FLACC1: variants seen among roughly 807,000 people sequenced by gnomAD.
FLACC1 encodes flagellum associated containing coiled-coil domains 1.
A neutral mutation model predicts 62.8 loss-of-function variants in FLACC1; 66 were observed. The ratio of observed to expected loss-of-function variants is 1.05; its 90% CI spans 0.86 to 1.29. The LOEUF is 1.29. Ranked by LOEUF, FLACC1 falls within the 50% of genes most tolerant of loss-of-function variation. The pLI is 0.00. For missense variants in FLACC1, 452 were observed against 489.1 expected, an observed-to-expected ratio of 0.92 and a Z score of 0.71; for synonymous variants, 156 against 161.0, an observed-to-expected ratio of 0.97 and a Z score of 0.24.
At chr2:201,325,488 C>A (rs773548789) in intron 9 of FLACC1, among the ~76,000 whole-genome samples, 1 of 151,912 alleles carries the variant, frequency 6.6e-6, no homozygotes, top group Non-Finnish European at 1.5e-5. Flanking sequence ...GGAGACATTA[C>A]AACCCACAGA....
chr2:201,349,337 C>T (rs967542583), intron 3 of FLACC1, among the ~76,000 whole-genome samples: 1 of 152,216 alleles, frequency 6.6e-6, no homozygotes, highest in Non-Finnish European at 1.5e-5. Context: ...CATTGAGGCT[C>T]CTTTTGCCCC....
intron 9 of FLACC1, among the ~76,000 whole-genome samples, chr2:201,323,021 T>A (rs1326366202): frequency 6.6e-6 from 1 of 152,014 alleles, no homozygotes; most frequent in Non-Finnish European, 1.5e-5. Context: ...GTTTTTAAAC[T>A]AACCCAATCA....
At chr2:201,304,464 C>T (rs553854251) in intron 11 of FLACC1, among the ~76,000 whole-genome samples, 4 of 152,288 alleles carry the variant, frequency 2.6e-5, no homozygotes, top group Admixed American at 2.6e-4. Context: ...ATTCCATGCT[C>T]ATGGATAGGA....
At position 201,346,413 on chromosome 2, in the gene FLACC1, C is replaced by G. The variant is rs544970299; in HGVS notation, c.368+129G>C. ...AAGCAGGGGCGAGGAGGGAGGTGCC[C>G]TTGCGGCCCCTCCAGAGCAGGGACC... On this transcript the variant is annotated intron_variant, in intron 5 of 14. Coordinates refer to ENST00000392257, the MANE Select transcript of FLACC1 (RefSeq NM_001127391.3). The surrounding 1 kb of genome is among the most constrained non-coding windows in gnomAD (Gnocchi z 4.0). 2.2e-3 allele frequency: 2,914 copies of G among 1,350,766 alleles called. 2 individuals carry two copies. The highest frequency in any genetic ancestry group is 2.7e-3 in the Non-Finnish European group (2,664 of 990,288). 83.7% of individuals were successfully genotyped at this position (1,350,766 alleles called of 1,614,324 possible).
At chr2:201,320,090 T>C (rs1014528038) in intron 9 of FLACC1, among the ~76,000 whole-genome samples, 1 of 152,198 alleles carries the variant, frequency 6.6e-6, no homozygotes, top group African/African-American at 2.4e-5. Flanking sequence ...AATATAAAAG[T>C]GGGAGCAGTG....
chr2:201,336,119 T>C (rs56191615), intron 7 of FLACC1, among the ~76,000 whole-genome samples: 8,480 of 50,076 alleles, frequency 0.17, 286 homozygotes, highest in Non-Finnish European at 0.19. Context: ...GTAGTGAGCA[T>C]AGTACCTGAT....
At position 201,289,696 on chromosome 2, in the gene FLACC1, C is replaced by G; in HGVS notation, c.1032G>C (p.Glu344Asp). The G allele has an allele frequency of 6.2e-7, 1 of 1,613,574 alleles. No homozygotes were observed. Among genetic ancestry groups the G allele is most frequent in the Non-Finnish European group, 8.5e-7 (1 of 1,179,700 alleles). Residue 344 changes from glutamate (E) to aspartate (D), a missense_variant and splice_region_variant, in exon 13 of 15, where the codon GAG becomes GAC. Around this residue, in one of 3 missense-constraint regions of FLACC1, gnomAD observed 301 missense variants for 318.4 expected, o/e 0.95. Coordinates refer to ENST00000392257, the MANE Select transcript of FLACC1 (RefSeq NM_001127391.3). ...LYYTQLELQK[E>D]KAIVGNLEKM... ...CATCCCCACTCCAGTAGGGACTCAC[C>G]TCTTTCTGGAGTTCCAACTGGGTAT...
intron 7 of FLACC1, among the ~76,000 whole-genome samples, chr2:201,332,565 A>G (rs527689012): frequency 4.7e-4 from 71 of 152,292 alleles, no homozygotes; most frequent in African/African-American, 1.7e-3. Flanking sequence ...TTTTTCAGTG[A>G]GAACATTTGA....
At chr2:201,308,986 G>GCTT (rs1950159729) in intron 10 of FLACC1, among the ~76,000 whole-genome samples, 165 bp downstream of exon 10, 1 of 152,170 alleles carries the variant, frequency 6.6e-6, no homozygotes, top group Non-Finnish European at 1.5e-5. Context: ...TACCCTTGTT[G>GCTT]TCATTTTGCT....
chr2:201,304,500 TACTGCCCA>T (rs1950059227), intron 11 of FLACC1, among the ~76,000 whole-genome samples: 1 of 152,144 alleles, frequency 6.6e-6, no homozygotes, highest in South Asian at 2.1e-4. Context: ...AAAATGGCCA[TACTGCCCA>T]AGGTAATTTA....
chr2:201,289,639 T>C (rs2125528498), intron 13 of FLACC1, 57 bp downstream of exon 13: 1 of 1,611,714 alleles, frequency 6.2e-7, no homozygotes, highest in Non-Finnish European at 8.5e-7. Flanking sequence ...ATGGCAGAGC[T>C]GGATGGAGAC....
intron 12 of FLACC1, among the ~76,000 whole-genome samples, chr2:201,296,377 C>T (rs554000990): frequency 1.8e-4 from 27 of 152,034 alleles, no homozygotes; most frequent in African/African-American, 6.5e-4. Context: ...ATGGATGAAG[C>T]TGGAAACCAT....
intron 7 of FLACC1, among the ~76,000 whole-genome samples, chr2:201,339,294 G>T (rs1559414269): frequency 6.6e-6 from 1 of 151,678 alleles, no homozygotes; most frequent in Non-Finnish European, 1.5e-5. Context: ...TTTTATTTGG[G>T]TCTTCTCTTG....
intron 7 of FLACC1, among the ~76,000 whole-genome samples, chr2:201,338,009 A>G (rs1950729193): frequency 6.6e-6 from 1 of 152,130 alleles, no homozygotes; most frequent in African/African-American, 2.4e-5. Flanking sequence ...TGGCGATCTT[A>G]ATTCTTCCAG....
chr2:201,348,149 G>A, intron 4 of FLACC1, 105 bp downstream of exon 4: 1 of 1,159,440 alleles, frequency 8.6e-7, no homozygotes. Flanking sequence ...CAGGATCTTT[G>A]TGAAGATTCG....
chr2:201,309,656 C>T (rs1352488959), intron 9 of FLACC1, among the ~76,000 whole-genome samples: 1 of 151,966 alleles, frequency 6.6e-6, no homozygotes, highest in African/African-American at 2.4e-5. Flanking sequence ...CACCTGTAAT[C>T]CCAGCACTTT....
At chr2:201,354,633 A>T (rs936985453) in intron 1 of FLACC1, among the ~76,000 whole-genome samples, 1 of 152,140 alleles carries the variant, frequency 6.6e-6, no homozygotes, top group African/African-American at 2.4e-5. Context: ...ATGATGCTAC[A>T]AGGGGCTGGA....
rs147348043 is a variant in FLACC1 at position 201,352,643 on chromosome 2, G to C, written c.-47-1192C>G. ...CAATTCACACATCAGAGGTCCCAGA[G>C]GGTGCAGGACTTGGAACTGGTAGAT... On this transcript the variant is annotated intron_variant, in intron 1 of 14. Coordinates refer to ENST00000392257, the MANE Select transcript of FLACC1 (RefSeq NM_001127391.3). Among the ~76,000 whole-genome samples the C allele has an allele frequency of 1.6e-4, 25 of 152,306 alleles. 1 individual carries two copies. In the East Asian group the frequency reaches 4.8e-3, roughly 29 times the overall value.
At chr2:201,322,615 A>T (rs1349024247) in intron 9 of FLACC1, among the ~76,000 whole-genome samples, 1 of 152,210 alleles carries the variant, frequency 6.6e-6, no homozygotes, top group Admixed American at 6.5e-5. Flanking sequence ...TTCAAGGATA[A>T]TTAGAAGAAA....
Sources: gnomAD v4.1 joint callset for allele counts (sites outside exome capture counted in the v4.1 genomes callset) on GRCh38, gnomAD v4.1.1 for gene constraint, gnomAD v4.1.1 regional missense constraint, Gnocchi (gnomAD v3.1) non-coding constraint, MANE v1.5 for transcripts, NCBI Gene and HGNC (gene_info 2026-07-23, HGNC 2026-07-21) for gene names.